The following NCOA2 variants were observed in gnomAD, a reference collection of about 807,000 sequenced individuals.
The protein encoded by NCOA2 is class E basic helix-loop-helix protein 75.
A neutral mutation model predicts 145.1 loss-of-function variants in NCOA2; 21 were observed. The ratio of observed to expected loss-of-function variants is 0.14; its 90% CI spans 0.10 to 0.21. The LOEUF (loss-of-function observed/expected upper bound fraction) is 0.21. Ranked by LOEUF, NCOA2 falls within the 10% of genes least tolerant of loss-of-function variation. NCOA2 has a pLI of 1.00. For missense variants in NCOA2, 1,472 were observed against 1,837.6 expected (o/e 0.80, Z 3.64); for synonymous variants, 619 against 637.5 (o/e 0.97, Z 0.44).
chr8:70,439,883 C>T, the NCOA2 span, among the ~76,000 whole-genome samples: 5 of 152,204 alleles, frequency 3.3e-5, no homozygotes, highest in South Asian at 1.0e-3. Context: ...AACCCGTCTC[C>T]ACCTATACCA....
At chr8:70,136,739 AG>A (rs1232355892) in intron 15 of NCOA2, among the ~76,000 whole-genome samples, 2 of 152,236 alleles carry the variant, frequency 1.3e-5, no homozygotes, top group East Asian at 1.9e-4. Context: ...ATGCTTATAA[AG>A]GGGATTTTTA....
chr8:70,159,242 A>ATATATATATATATATATTTT lies in NCOA2; in HGVS notation c.1124+262_1124+263insAAAATATATATATATATATA. On this transcript the variant is annotated intron_variant, in intron 10 of 22. Coordinates refer to ENST00000452400, the MANE Select transcript of NCOA2 (RefSeq NM_006540.4). ...TAACATTATATATATATATATATAT[A>ATATATATATATATATATTTT]TTTTTTTTTTTTTCCCCCAAATATT... is the stretch of plus-strand genomic sequence containing the variant. Among the ~76,000 whole-genome samples the ATATATATATATATATATTTT allele has an allele frequency of 5.6e-4, 34 of 61,076 alleles. 1 individual carries two copies. Among genetic ancestry groups the ATATATATATATATATATTTT allele is most frequent in the African/African-American group, 1.7e-3 (32 of 18,496 alleles). 40.1% of individuals were successfully genotyped at this position (61,076 alleles called of 152,430 possible).
rs147383472 is a variant in NCOA2 at position 70,132,480 on chromosome 8, T to C, written c.3159-478A>G. ...GAGAACTAGAGGCATCAGAGCTGCA[T>C]TAACTTTCTTGAACTCAGCTGCAGC... On this transcript the variant is annotated intron_variant, in intron 15 of 22. Transcript: ENST00000452400. 1.8e-4 allele frequency among the ~76,000 whole-genome samples: 27 copies of C among 152,360 alleles called. No individual in the cohort carries two copies. In the East Asian group the frequency reaches 5.2e-3, roughly 29 times the overall value.
chr8:70,145,003 C>T (rs1479014149), intron 12 of NCOA2, among the ~76,000 whole-genome samples, 155 bp from the exon 13 acceptor site: 1 of 152,338 alleles, frequency 6.6e-6, no homozygotes, highest in African/African-American at 2.4e-5. Flanking sequence ...ACAAAAAACA[C>T]ATGCAGCACC....
rs767277635 is a variant in NCOA2 at position 70,342,113 on chromosome 8, T to C, written c.-76-45313A>G. Among the ~76,000 whole-genome samples, 6 of 152,310 alleles carry C rather than the reference T, an allele frequency of 3.9e-5. No homozygotes were observed. The South Asian group carries it at 1.0e-3, about 26-fold the overall frequency. On this transcript the variant is annotated intron_variant, in intron 1 of 22. Coordinates refer to ENST00000452400, the MANE Select transcript of NCOA2 (RefSeq NM_006540.4). ...TATACCTAATACTTCCATGAGCTGA[T>C]ATTACATGCGTAAGGAATTATTCAG...
intron 2 of NCOA2, among the ~76,000 whole-genome samples, chr8:70,234,116 G>T (rs1429896035): frequency 1.3e-5 from 2 of 152,120 alleles, no homozygotes; most frequent in Non-Finnish European, 2.9e-5. Context: ...CAAATAATAT[G>T]TGACCTTCTA....
At chr8:70,137,683 T>C (rs1425568479) in intron 15 of NCOA2, among the ~76,000 whole-genome samples, 3 of 152,170 alleles carry the variant, frequency 2.0e-5, no homozygotes, top group Non-Finnish European at 4.4e-5. Flanking sequence ...GGGGCATGCT[T>C]CCCTGTCTAC....
intron 1 of NCOA2, among the ~76,000 whole-genome samples, chr8:70,305,181 C>T (rs1827797459): frequency 6.6e-6 from 1 of 151,754 alleles, no homozygotes; most frequent in African/African-American, 2.4e-5. Flanking sequence ...CCCACCACCC[C>T]AGCCAACATT....
At chr8:70,433,865 C>T in the NCOA2 span, among the ~76,000 whole-genome samples, 1 of 152,106 alleles carries the variant, frequency 6.6e-6, no homozygotes, top group Admixed American at 6.6e-5. Flanking sequence ...AAAGGTCATT[C>T]CCTGTGGGAT....
intron 1 of NCOA2, among the ~76,000 whole-genome samples, chr8:70,350,314 AT>A (rs1187219663): frequency 3.9e-5 from 6 of 152,140 alleles, no homozygotes; most frequent in Non-Finnish European, 7.4e-5. Flanking sequence ...TCCCCCAAAT[AT>A]ACCACTGAAA....
intron 1 of NCOA2, among the ~76,000 whole-genome samples, chr8:70,310,192 A>G (rs1828208184): frequency 6.6e-6 from 1 of 151,618 alleles, no homozygotes; most frequent in Non-Finnish European, 1.5e-5. Flanking sequence ...AAATACAAAA[A>G]TTAGCTAGGT....
At chr8:70,455,046 A>C in the NCOA2 span, among the ~76,000 whole-genome samples, 1 of 152,248 alleles carries the variant, frequency 6.6e-6, no homozygotes, top group Non-Finnish European at 1.5e-5. Flanking sequence ...GCCCAGGCTC[A>C]TGAAAGGATA....
chr8:70,413,488 A>G, the NCOA2 span, among the ~76,000 whole-genome samples: 2 of 152,258 alleles, frequency 1.3e-5, no homozygotes, highest in South Asian at 4.1e-4. Context: ...CCCTAGATCC[A>G]GAAACCTATG....
At chr8:70,310,411 A>T (rs1461332565) in intron 1 of NCOA2, among the ~76,000 whole-genome samples, 1 of 151,938 alleles carries the variant, frequency 6.6e-6, no homozygotes, top group Admixed American at 6.6e-5. Context: ...TATGAGAAGG[A>T]AGTGAAGATT....
chr8:70,219,692 G>C (rs924680646), intron 2 of NCOA2, among the ~76,000 whole-genome samples: 29 of 152,098 alleles, frequency 1.9e-4, no homozygotes, highest in Admixed American at 1.0e-3. Flanking sequence ...GAGGGTGGAG[G>C]GGGGGCAGAC....
intron 1 of NCOA2, among the ~76,000 whole-genome samples, chr8:70,342,210 A>G (rs1025047975): frequency 6.6e-6 from 1 of 152,220 alleles, no homozygotes; most frequent in South Asian, 2.1e-4. Context: ...TAGTTTTAAA[A>G]TTCAAAATAT....
rs142582895 is a variant in NCOA2, at chr8:70,358,428, G to A, written c.-77+45272C>T. Among the ~76,000 whole-genome samples, 129 of 152,194 alleles carry A rather than the reference G, an allele frequency of 8.5e-4. 1 individual carries two copies. Among genetic ancestry groups the A allele is most frequent in the Non-Finnish European group, 4.4e-4 (30 of 68,008 alleles). ...CATAAAGACCCATATAAAAATCAGC[G>A]GAATTTAATGCAGAGTCCAGAAATA... On this transcript the variant is annotated intron_variant, in intron 1 of 22. Transcript: ENST00000452400.
chr8:70,285,516 C>T (rs536642956), intron 2 of NCOA2, among the ~76,000 whole-genome samples: 4 of 152,336 alleles, frequency 2.6e-5, no homozygotes, highest in South Asian at 2.1e-4. Flanking sequence ...TAGCAAGATA[C>T]GCACATGGCG....
At chr8:70,412,907 G>C in the NCOA2 span, among the ~76,000 whole-genome samples, 2 of 151,598 alleles carry the variant, frequency 1.3e-5, no homozygotes, top group African/African-American at 4.8e-5. Context: ...AGACCTACCC[G>C]GCCAACATGG....
Sources: gnomAD v4.1 joint callset for allele counts (sites outside exome capture counted in the v4.1 genomes callset) on GRCh38, gnomAD v4.1.1 for gene constraint, MANE v1.5 for transcripts, NCBI Gene and HGNC (gene_info 2026-07-23, HGNC 2026-07-21) for gene names.